Variants in TRHDE observed in about 807,000 individuals in gnomAD.
TRHDE encodes the protein thyrotropin releasing hormone degrading enzyme, also known as thyrotropin-releasing hormone-degrading ectoenzyme.
A neutral mutation model predicts 125.7 loss-of-function variants in TRHDE; 72 were observed. The ratio of observed to expected loss-of-function variants is 0.57; its 90% CI spans 0.47 to 0.70. The LOEUF (loss-of-function observed/expected upper bound fraction) is 0.70. TRHDE is among the 30% of genes least tolerant of loss of function. The pLI, the probability that TRHDE is intolerant of heterozygous loss-of-function variation, is 0.00. For synonymous variants in TRHDE, 509 were observed against 509.1 expected (o/e 1.00, Z 0.00); for missense variants, 1,110 against 1,327.1 (o/e 0.84, Z 2.54).
chr12:72,628,916 A>G (rs939226596), intron 15 of TRHDE, among the ~76,000 whole-genome samples: 1 of 151,832 alleles, frequency 6.6e-6, no homozygotes, highest in Non-Finnish European at 1.5e-5. Flanking sequence ...AAATACCACT[A>G]TTCCTTGCTA....
intron 2 of TRHDE, among the ~76,000 whole-genome samples, chr12:72,198,258 TCTTATGAACA>T (rs1434148602): frequency 6.6e-6 from 1 of 152,158 alleles, no homozygotes; most frequent in Non-Finnish European, 1.5e-5. Context: ...ATTAAGATAC[TCTTATGAACA>T]ATTATGTACA....
At chr12:72,154,267 C>G (rs980211472) in intron 2 of TRHDE, among the ~76,000 whole-genome samples, 1 of 152,048 alleles carries the variant, frequency 6.6e-6, no homozygotes, top group Non-Finnish European at 1.5e-5. Flanking sequence ...TCCTCCATCC[C>G]TTTATTTTGA....
Position 72,320,657 on chromosome 12 carries a change from G to T in TRHDE, c.1188+33703G>T, listed in dbSNP as rs28656844. Among the ~76,000 whole-genome samples the T allele has an allele frequency of 2.6e-3, 399 of 151,842 alleles. 2 individuals carry two copies. Among genetic ancestry groups the T allele is most frequent in the African/African-American group, 9.3e-3 (386 of 41,444 alleles). On this transcript the variant is annotated intron_variant, in intron 2 of 18. Coordinates refer to ENST00000261180, the MANE Select transcript of TRHDE (RefSeq NM_013381.3). ...AAGCAACACCTTAATTTCTATCACT[G>T]CAGAGTTTTACCTTGATAAAAAGGA...
chr12:72,187,943 A>G (rs1291230708), intron 2 of TRHDE, among the ~76,000 whole-genome samples: 1 of 152,242 alleles, frequency 6.6e-6, no homozygotes, highest in Admixed American at 6.5e-5. Context: ...GGTCTATTAT[A>G]CACATTAAAC....
At chr12:72,204,742 A>G (rs1260184591) in intron 2 of TRHDE, among the ~76,000 whole-genome samples, 3 of 152,236 alleles carry the variant, frequency 2.0e-5, no homozygotes, top group Non-Finnish European at 4.4e-5. Context: ...GACTTTGATA[A>G]TACCAAAATG....
At chr12:72,188,467 C>T (rs542167745) in intron 2 of TRHDE, among the ~76,000 whole-genome samples, 16 of 152,334 alleles carry the variant, frequency 1.1e-4, no homozygotes, top group Admixed American at 3.9e-4. Flanking sequence ...TTTCTGTATG[C>T]TCCCAACCCT....
upstream of TRHDE, among the ~76,000 whole-genome samples, chr12:72,269,806 G>A (rs555690245): frequency 6.6e-6 from 1 of 152,222 alleles, no homozygotes; most frequent in South Asian, 2.1e-4. Flanking sequence ...AATTTCTCAT[G>A]TATCCCACAA....
At chr12:72,505,671 G>A (rs1199358864) in intron 6 of TRHDE, among the ~76,000 whole-genome samples, 1 of 152,128 alleles carries the variant, frequency 6.6e-6, no homozygotes, top group Non-Finnish European at 1.5e-5. Flanking sequence ...ATTAGCAAGT[G>A]AAAAAATCTT....
chr12:72,460,269 T>G (rs1441885413), intron 3 of TRHDE, among the ~76,000 whole-genome samples: 1 of 152,186 alleles, frequency 6.6e-6, no homozygotes, highest in African/African-American at 2.4e-5. Context: ...TCATCTTCAT[T>G]TTACAGGTGA....
At chr12:72,367,730 C>T (rs942951965) in intron 2 of TRHDE, among the ~76,000 whole-genome samples, 17 of 152,084 alleles carry the variant, frequency 1.1e-4, no homozygotes, top group African/African-American at 3.6e-4. Flanking sequence ...TCAGCTTTAC[C>T]GGCTGCAATT....
intron 2 of TRHDE, among the ~76,000 whole-genome samples, chr12:72,140,698 G>A: frequency 6.6e-6 from 1 of 152,180 alleles, no homozygotes; most frequent in East Asian, 1.9e-4. Flanking sequence ...GAGTGGCAGA[G>A]TATGTTAAGG....
chr12:72,091,324 A>T lies in TRHDE; in HGVS notation n.174+3885A>T, dbSNP rs192121318. The stretch of plus-strand genomic sequence containing the variant: ...TATGCACATAAATTTTGCATTTATT[A>T]TCAGGGGTTTTATGGACAACCTGCA... On this transcript the variant is annotated intron_variant and non_coding_transcript_variant, in intron 1 of 4. Transcript: ENST00000548156. Among the ~76,000 whole-genome samples, 32 of 152,306 alleles carry T rather than the reference A, an allele frequency of 2.1e-4. No individual in the cohort carries two copies. In the East Asian group the frequency reaches 4.1e-3, roughly 19 times the overall value.
intron 2 of TRHDE, among the ~76,000 whole-genome samples, chr12:72,124,479 A>G (rs1048046468): frequency 6.6e-6 from 1 of 152,174 alleles, no homozygotes; most frequent in Non-Finnish European, 1.5e-5. Flanking sequence ...AGTGCTGGGT[A>G]TATGTTTGTG....
At chr12:72,371,768 CA>C (rs1178874490) in intron 2 of TRHDE, among the ~76,000 whole-genome samples, 2 of 152,164 alleles carry the variant, frequency 1.3e-5, no homozygotes, top group African/African-American at 4.8e-5. Context: ...ATATGTGCCA[CA>C]TTTTCTTAAT....
intron 3 of TRHDE, among the ~76,000 whole-genome samples, chr12:72,411,276 G>A (rs1317815492): frequency 1.3e-5 from 2 of 148,210 alleles, no homozygotes; most frequent in Non-Finnish European, 3.0e-5. Context: ...GAACATCAAA[G>A]AGATTCAACT....
chr12:72,268,410 C>T (rs569911406), upstream of TRHDE, among the ~76,000 whole-genome samples: 128 of 152,186 alleles, frequency 8.4e-4, no homozygotes, highest in African/African-American at 2.7e-3. Flanking sequence ...ATGTTAGCTT[C>T]TGTACTGTAT....
At chr12:72,507,321 G>A (rs1482390536) in intron 6 of TRHDE, among the ~76,000 whole-genome samples, 1 of 152,152 alleles carries the variant, frequency 6.6e-6, no homozygotes, top group East Asian at 1.9e-4. Context: ...CAGTTTGGAG[G>A]GCTCAGAAGA....
intron 6 of TRHDE, among the ~76,000 whole-genome samples, chr12:72,532,873 A>G (rs942649096): frequency 5.3e-5 from 8 of 151,172 alleles, no homozygotes; most frequent in Non-Finnish European, 8.9e-5. Flanking sequence ...TATCCCATCA[A>G]TTATGTATAT....
chr12:72,300,375 C>CACTT (rs1555174445), intron 2 of TRHDE, among the ~76,000 whole-genome samples: 3 of 149,820 alleles, frequency 2.0e-5, no homozygotes, highest in Admixed American at 6.6e-5. Context: ...TACACACACA[C>CACTT]ACACACACAC....
Sources: gnomAD v4.1 joint callset for allele counts (sites outside exome capture counted in the v4.1 genomes callset) on GRCh38, gnomAD v4.1.1 for gene constraint, MANE v1.5 for transcripts, NCBI Gene and HGNC (gene_info 2026-07-23, HGNC 2026-07-21) for gene names.